Variants in PHACTR1 observed in about 807,000 individuals in gnomAD.
PHACTR1 encodes the protein RPEL repeat containing 1.
PHACTR1 carries 16 observed loss-of-function variants against 69.2 expected under a neutral mutation model. The observed-to-expected ratio is 0.23, with a 90% CI of 0.16 to 0.35. The LOEUF (loss-of-function observed/expected upper bound fraction) is 0.35, where lower values mean the gene tolerates loss of function less well. PHACTR1 is among the 10% of genes least tolerant of loss of function. The probability of loss-of-function intolerance (pLI) is 1.00; values close to 1 mark genes in which losing one functional copy is unlikely to be tolerated. For synonymous variants in PHACTR1, 312 were observed against 284.5 expected (o/e 1.10, Z -0.97); for missense variants, 510 against 734.7 (o/e 0.69, Z 3.54).
At chr6:13,053,653 G>T in intron 5 of PHACTR1, 124 bp downstream of exon 5, 2 of 1,192,562 alleles carry the variant, frequency 1.7e-6, no homozygotes, top group Non-Finnish European at 1.1e-6. Context: ...GCCTTGGAAT[G>T]GCTCTTGTCT....
At chr6:13,132,281 C>G (rs1299442812) in intron 5 of PHACTR1, among the ~76,000 whole-genome samples, 1 of 152,116 alleles carries the variant, frequency 6.6e-6, no homozygotes, top group Admixed American at 6.5e-5. Context: ...CCAGTTCCAG[C>G]GCAAGTCTCA....
chr6:12,928,646 T>A (rs1310939661), intron 4 of PHACTR1, among the ~76,000 whole-genome samples: 1 of 112,796 alleles, frequency 8.9e-6, no homozygotes, highest in Admixed American at 1.2e-4. Flanking sequence ...CATCCGTTCA[T>A]GTGGTGAGCC....
rs536888693 is a variant in PHACTR1, at chr6:12,918,895, C to T, written c.251-134470C>T. On this transcript the variant is annotated intron_variant, in intron 4 of 14. Coordinates refer to ENST00000332995, the MANE Select transcript of PHACTR1 (RefSeq NM_030948.6). ...TTAACTTTGACCTTTTAGTGGTAGT[C>T]CAGGAACAAGAAAAAGTTGCGAAAT... Among the ~76,000 whole-genome samples, 94 of 152,220 alleles carry T rather than the reference C, an allele frequency of 6.2e-4. No homozygotes were observed. The Middle Eastern group carries it at 0.01, about 17-fold the overall frequency.
At chr6:13,062,423 T>C (rs757516080) in intron 5 of PHACTR1, among the ~76,000 whole-genome samples, 2 of 152,230 alleles carry the variant, frequency 1.3e-5, no homozygotes, top group Non-Finnish European at 2.9e-5. Flanking sequence ...GCTTCCTTTA[T>C]GTCTTCCATC....
intron 4 of PHACTR1, 65 bp from the exon 5 acceptor site, chr6:13,053,300 G>A: frequency 2.1e-6 from 3 of 1,458,940 alleles, no homozygotes; most frequent in Non-Finnish European, 2.8e-6. Context: ...TTGGCCATCT[G>A]TGAGGCTCCC....
At chr6:13,085,725 A>G (rs571057509) in intron 5 of PHACTR1, among the ~76,000 whole-genome samples, 1 of 152,230 alleles carries the variant, frequency 6.6e-6, no homozygotes, top group East Asian at 1.9e-4. Flanking sequence ...AAGCTGTAAG[A>G]CAGCCAAAAC....
At chr6:12,906,458 C>A (rs1342969645) in intron 4 of PHACTR1, among the ~76,000 whole-genome samples, 1 of 152,180 alleles carries the variant, frequency 6.6e-6, no homozygotes, top group Non-Finnish European at 1.5e-5. Context: ...TTCCTTCTCT[C>A]AGATCATCTG....
At position 13,116,070 on chromosome 6, in the gene PHACTR1, C is replaced by CA. The variant is rs575567460; in HGVS notation, c.416-44130dup. On this transcript the variant is annotated intron_variant, in intron 5 of 14. Transcript: ENST00000332995. The stretch of plus-strand genomic sequence containing the variant: ...ACACCAGTTCTCCACTTTTTTCTCC[C>CA]AAAATTATACTGGAACTATCTGGTT... 1.0e-3 allele frequency among the ~76,000 whole-genome samples: 156 copies of CA among 152,216 alleles called. 1 individual carries two copies. Among genetic ancestry groups the CA allele is most frequent in the Non-Finnish European group, 1.9e-3 (129 of 68,002 alleles).
At chr6:12,880,214 A>T (rs1380646234) in intron 4 of PHACTR1, among the ~76,000 whole-genome samples, 2 of 143,032 alleles carry the variant, frequency 1.4e-5, no homozygotes, top group African/African-American at 5.2e-5. Flanking sequence ...TGTCTCTAGA[A>T]CTCATACTTT....
chr6:12,775,411 A>G (rs1769939224), intron 4 of PHACTR1, among the ~76,000 whole-genome samples: 4 of 152,232 alleles, frequency 2.6e-5, no homozygotes. Context: ...TAAATACAGT[A>G]TGAGAACACA....
At chr6:13,036,819 G>T (rs1467108844) in intron 4 of PHACTR1, among the ~76,000 whole-genome samples, 1 of 152,166 alleles carries the variant, frequency 6.6e-6, no homozygotes, top group South Asian at 2.1e-4. Context: ...ACAGTGGTTT[G>T]TCCTAACCAT....
chr6:12,976,336 G>A (rs1367686643), intron 4 of PHACTR1, among the ~76,000 whole-genome samples: 1 of 152,140 alleles, frequency 6.6e-6, no homozygotes, highest in Admixed American at 6.5e-5. Flanking sequence ...TTTAAATAAG[G>A]TTTGACTTAT....
chr6:12,905,109 C>T (rs1785584840), intron 4 of PHACTR1, among the ~76,000 whole-genome samples: 2 of 152,118 alleles, frequency 1.3e-5, no homozygotes, highest in Admixed American at 1.3e-4. Flanking sequence ...ATTATGATGC[C>T]TGGTCCCAAC....
chr6:13,087,180 T>A, intron 5 of PHACTR1, among the ~76,000 whole-genome samples: 2 of 144,988 alleles, frequency 1.4e-5, no homozygotes, highest in Middle Eastern at 7.2e-3. Flanking sequence ...GTATAAAATA[T>A]ATGAATATAT....
chr6:13,207,342 C>T (rs944574520), intron 8 of PHACTR1, among the ~76,000 whole-genome samples: 1 of 152,024 alleles, frequency 6.6e-6, no homozygotes, highest in African/African-American at 2.4e-5. Flanking sequence ...GGAAGGTATA[C>T]CCTGTTCTTG....
At chr6:13,063,210 A>G (rs192792129) in intron 5 of PHACTR1, among the ~76,000 whole-genome samples, 27 of 152,258 alleles carry the variant, frequency 1.8e-4, no homozygotes, top group African/African-American at 6.3e-4. Context: ...CATGGCCCCT[A>G]CCTCCCAAAG....
chr6:13,003,305 A>G (rs930069366), intron 4 of PHACTR1, among the ~76,000 whole-genome samples: 1 of 152,174 alleles, frequency 6.6e-6, no homozygotes, highest in Admixed American at 6.6e-5. Context: ...TTCTCTAAGG[A>G]TTGATTCTTT....
At chr6:13,184,859 C>T in intron 7 of PHACTR1, 1 of 1,366,584 alleles carries the variant, frequency 7.3e-7, no homozygotes. Context: ...GATCCTTCAG[C>T]CAAACCAGTC....
chr6:13,214,916 G>A (rs1371664843), intron 8 of PHACTR1, among the ~76,000 whole-genome samples: 2 of 152,068 alleles, frequency 1.3e-5, no homozygotes. Context: ...CATACATTTA[G>A]TTCTGATGGA....
Sources: gnomAD v4.1 joint callset for allele counts (sites outside exome capture counted in the v4.1 genomes callset) on GRCh38, gnomAD v4.1.1 for gene constraint, MANE v1.5 for transcripts, NCBI Gene and HGNC (gene_info 2026-07-23, HGNC 2026-07-21) for gene names.